SELP: variants seen among roughly 807,000 people sequenced by gnomAD.
The protein encoded by SELP is P-selectin.
SELP carries 92 observed loss-of-function variants against 104.1 expected under a neutral mutation model. The observed-to-expected ratio is 0.88, with a 90% confidence interval of 0.75 to 1.05. The LOEUF (loss-of-function observed/expected upper bound fraction) is 1.05. Among genes scored for constraint, SELP ranks in the 50% least tolerant of loss-of-function variants. The pLI is 0.00. For synonymous variants in SELP, 397 were observed against 364.5 expected (o/e 1.09, Z -1.01); for missense variants, 1,022 against 1,017.3 (o/e 1.00, Z -0.06).
At position 169,608,972 on chromosome 1, in the gene SELP, CAT is replaced by C. The variant is rs538482656; in HGVS notation, c.1333+530_1333+531del. Among the ~76,000 whole-genome samples, 293 of 152,266 alleles carry C rather than the reference CAT, an allele frequency of 1.9e-3. 2 individuals are homozygous for C. The highest frequency in any genetic ancestry group is 9.1e-4 in the Non-Finnish European group (62 of 68,024). ...TCATTTTGTCAAATCAGACCACAGACATGTGATTTATAAGGTAACATGTCATC... is the reference window on the plus strand; with the variant it reads ...TCATTTTGTCAAATCAGACCACAGACGTGATTTATAAGGTAACATGTCATC... On this transcript the variant is annotated intron_variant, in intron 8 of 16. Transcript: ENST00000263686.
At chr1:169,629,574 AG>A (rs1489029694) in intron 1 of SELP, among the ~76,000 whole-genome samples, 1 of 152,268 alleles carries the variant, frequency 6.6e-6, no homozygotes, top group Non-Finnish European at 1.5e-5. Flanking sequence ...GCTCACAGAA[AG>A]AAATGGGAGG....
At chr1:169,605,892 T>C (rs999779284) in intron 9 of SELP, among the ~76,000 whole-genome samples, 1 of 152,112 alleles carries the variant, frequency 6.6e-6, no homozygotes, top group East Asian at 1.9e-4. Flanking sequence ...ATTGGATACA[T>C]TGAGGGGGAA....
At chr1:169,600,359 T>A (rs1183341438) in intron 10 of SELP, among the ~76,000 whole-genome samples, 1 of 152,198 alleles carries the variant, frequency 6.6e-6, no homozygotes, top group East Asian at 1.9e-4. Flanking sequence ...TAAAGACGGT[T>A]TAAAAGTCTA....
intron 3 of SELP, among the ~76,000 whole-genome samples, chr1:169,615,442 C>A (rs562344547): frequency 6.6e-6 from 1 of 152,144 alleles, no homozygotes; most frequent in East Asian, 1.9e-4. Context: ...AATTTTTTAT[C>A]TTTTTTCTAT....
chr1:169,620,076 C>T (rs999116773), intron 1 of SELP, among the ~76,000 whole-genome samples: 121 of 152,056 alleles, frequency 8.0e-4, no homozygotes, highest in African/African-American at 2.4e-3. Flanking sequence ...GGTGTGGTGG[C>T]GGGTGCTTGT....
Position 169,609,621 on chromosome 1 carries a change from A to G in SELP, c.1216T>C (p.Phe406Leu), listed in dbSNP as rs201668886. 1 of 1,614,004 alleles carries G rather than the reference A, an allele frequency of 6.2e-7. No individual in the cohort carries two copies. The highest frequency in any genetic ancestry group is 1.7e-5 in the Admixed American group (1 of 60,014). Residue 406 changes from phenylalanine to leucine, a missense_variant, in exon 8 of 17, where the codon TTT becomes CTT. Phe to Leu is a conservative substitution (Grantham distance 22). Transcript: ENST00000263686. ...SMDCSPSLRA[F>L]QYDTNCSFRC... The stretch of plus-strand genomic sequence containing the variant: ...AAGCTACAGTTGGTGTCATACTGAA[A>G]CGCTCTCAAGGATGGAGAGCAATCC...
intron 13 of SELP, 31 bp from the exon 14 acceptor site, chr1:169,593,755 A>G: frequency 1.2e-6 from 2 of 1,611,304 alleles, no homozygotes; most frequent in Non-Finnish European, 1.7e-6. Context: ...CATGCAAGAC[A>G]TAAGAAGTGT....
intron 15 of SELP, 63 bp downstream of exon 15, chr1:169,591,363 T>C (rs1469452940): frequency 3.7e-6 from 4 of 1,084,638 alleles, no homozygotes; most frequent in Non-Finnish European, 5.5e-6. Flanking sequence ...TTCTGACATA[T>C]TACAGTGAAT....
chr1:169,609,703 G>A lies in SELP; in HGVS notation c.1148-14C>T. The A allele has an allele frequency of 1.9e-6, 3 of 1,601,498 alleles. No homozygotes were observed. In the South Asian group the frequency reaches 3.4e-5, roughly 18 times the overall value. On this transcript the variant is annotated splice_polypyrimidine_tract_variant and intron_variant, in intron 7 of 16. Transcript: ENST00000263686. Reference sequence around the variant, plus strand: ...CACACGAAATAGCTAAGTGGAAAAGGTATCTTCTAAAGCCAGGTAATGGAA... The same window carrying A: ...CACACGAAATAGCTAAGTGGAAAAGATATCTTCTAAAGCCAGGTAATGGAA...
chr1:169,604,358 G>C (rs1204763600), intron 9 of SELP, among the ~76,000 whole-genome samples: 1 of 152,070 alleles, frequency 6.6e-6, no homozygotes, highest in African/African-American at 2.4e-5. Flanking sequence ...TTAGCCCTTT[G>C]TCAGATGAGT....
intron 3 of SELP, among the ~76,000 whole-genome samples, chr1:169,616,810 T>C (rs1455362244): frequency 6.6e-6 from 1 of 152,216 alleles, no homozygotes; most frequent in Non-Finnish European, 1.5e-5. Flanking sequence ...AGCTGGATGA[T>C]ATTAAAATTT....
chr1:169,605,550 T>C (rs1482078826), intron 9 of SELP, among the ~76,000 whole-genome samples: 1 of 152,038 alleles, frequency 6.6e-6, no homozygotes, highest in Non-Finnish European at 1.5e-5. Context: ...GTGGTTTCCT[T>C]TTAGTAAAAA....
At chr1:169,626,326 A>T (rs987603185) in intron 1 of SELP, among the ~76,000 whole-genome samples, 1 of 152,222 alleles carries the variant, frequency 6.6e-6, no homozygotes, top group Non-Finnish European at 1.5e-5. Context: ...TCACATCTGT[A>T]ATCCCAACAC....
At chr1:169,600,576 A>G (rs1661856198) in intron 10 of SELP, among the ~76,000 whole-genome samples, 2 of 152,096 alleles carry the variant, frequency 1.3e-5, no homozygotes, top group Non-Finnish European at 2.9e-5. Flanking sequence ...CCATCCCCCA[A>G]AATGAAATCT....
rs552430677 is a variant in SELP at position 169,623,417 on chromosome 1, A to G, written c.4-4198T>C. Among the ~76,000 whole-genome samples the G allele has an allele frequency of 3.3e-4, 51 of 152,324 alleles. No individual in the cohort carries two copies. The South Asian group carries it at 7.0e-3, about 21-fold the overall frequency. ...TTGACTTGTTTGTTTAAACTTTTAA[A>G]TAAGATTTGGTTTAAACAAAATTTC... is the stretch of plus-strand genomic sequence containing the variant. On this transcript the variant is annotated intron_variant, in intron 1 of 16. Transcript: ENST00000263686.
intron 1 of SELP, among the ~76,000 whole-genome samples, chr1:169,620,249 T>C (rs1325922263): frequency 6.6e-6 from 1 of 152,186 alleles, no homozygotes; most frequent in Non-Finnish European, 1.5e-5. Context: ...TAAGTTCTAG[T>C]GATGCTCATC....
chr1:169,623,251 A>C (rs1663222780), intron 1 of SELP, among the ~76,000 whole-genome samples: 1 of 152,124 alleles, frequency 6.6e-6, no homozygotes, highest in Non-Finnish European at 1.5e-5. Context: ...CTTCCTGTGG[A>C]AGTGGTTTTC....
In SELP at chr1:169,596,973, G is replaced by A; in HGVS notation, c.1891+18C>T. 2 of 1,598,888 alleles carry A rather than the reference G, an allele frequency of 1.3e-6. 1 individual carries two copies. Among genetic ancestry groups the A allele is most frequent in the South Asian group, 2.2e-5 (2 of 89,788 alleles). ...AATTTCCAAAAGTAGAACTGTCTTA[G>A]CAAGTACATATTATTACCTTTGCAG... On this transcript the variant is annotated intron_variant, in intron 11 of 16. Coordinates refer to ENST00000263686, the MANE Select transcript of SELP (RefSeq NM_003005.4).
At chr1:169,603,850 T>C (rs1055435943) in intron 9 of SELP, among the ~76,000 whole-genome samples, 1 of 152,228 alleles carries the variant, frequency 6.6e-6, no homozygotes, top group South Asian at 2.1e-4. Flanking sequence ...CAGTCCATCA[T>C]TGTTGGACAT....
Sources: gnomAD v4.1 joint callset for allele counts (sites outside exome capture counted in the v4.1 genomes callset) on GRCh38, gnomAD v4.1.1 for gene constraint, MANE v1.5 for transcripts, NCBI Gene and HGNC (gene_info 2026-07-23, HGNC 2026-07-21) for gene names.